Variants in PTPRT observed in about 807,000 individuals in gnomAD.
PTPRT encodes the protein receptor-type tyrosine-protein phosphatase T.
In PTPRT, 56 loss-of-function variants were observed where a neutral mutation model predicts 176.8. That is an observed-to-expected ratio of 0.32 (90% confidence interval 0.26 to 0.40). PTPRT has a LOEUF of 0.40. PTPRT is among the 10% of genes least tolerant of loss of function. The probability of loss-of-function intolerance (pLI) is 1.00; values close to 1 mark genes in which losing one functional copy is unlikely to be tolerated. For missense variants in PTPRT, 1,540 were observed against 1,908.2 expected (o/e 0.81, Z 3.60); for synonymous variants, 783 against 739.0 (o/e 1.06, Z -0.96).
chr20:43,126,720 C>CA (rs926892492), intron 1 of PTPRT, among the ~76,000 whole-genome samples: 49 of 152,186 alleles, frequency 3.2e-4, no homozygotes, highest in African/African-American at 1.1e-3. Flanking sequence ...AGAATGACAC[C>CA]ACCCCCTCCA....
At chr20:43,128,333 G>A (rs141620325) in intron 1 of PTPRT, among the ~76,000 whole-genome samples, 1,709 of 152,328 alleles carry the variant, frequency 0.011, 35 homozygotes, top group African/African-American at 0.039. Flanking sequence ...ATGACCAATT[G>A]TTGACTGATC....
intron 1 of PTPRT, among the ~76,000 whole-genome samples, chr20:43,075,024 G>A (rs982902631): frequency 6.6e-6 from 1 of 152,222 alleles, no homozygotes; most frequent in Non-Finnish European, 1.5e-5. Context: ...CCCGGACAGA[G>A]CCTCTGGGGA....
At chr20:42,619,884 G>T (rs549048482) in intron 7 of PTPRT, among the ~76,000 whole-genome samples, 36 of 138,866 alleles carry the variant, frequency 2.6e-4, no homozygotes, top group Admixed American at 2.4e-3. Context: ...CCTTTGGTTT[G>T]AATGTCCTCC....
chr20:42,058,054 A>G, the PTPRT span, among the ~76,000 whole-genome samples: 1 of 152,194 alleles, frequency 6.6e-6, no homozygotes, highest in South Asian at 2.1e-4. Flanking sequence ...TCACACGAAC[A>G]GCCTCTCCTT....
chr20:43,046,619 G>C (rs1207846124), intron 1 of PTPRT, among the ~76,000 whole-genome samples: 1 of 152,002 alleles, frequency 6.6e-6, no homozygotes, highest in Non-Finnish European at 1.5e-5. Context: ...AGGTCGGGCT[G>C]TGGTGGGGGC....
intron 7 of PTPRT, among the ~76,000 whole-genome samples, chr20:42,595,082 T>G (rs1477629329): frequency 6.6e-6 from 1 of 152,104 alleles, no homozygotes; most frequent in Non-Finnish European, 1.5e-5. Flanking sequence ...GGGGCTGCGT[T>G]GTCACTCCTG....
At chr20:42,153,178 G>C (rs1036232111) in intron 17 of PTPRT, among the ~76,000 whole-genome samples, 2 of 152,198 alleles carry the variant, frequency 1.3e-5, no homozygotes, top group Non-Finnish European at 2.9e-5. Context: ...GCAAGACCAC[G>C]AGCTTTCTTT....
intron 7 of PTPRT, among the ~76,000 whole-genome samples, chr20:42,608,677 C>T (rs895293237): frequency 1.3e-5 from 2 of 152,120 alleles, no homozygotes; most frequent in East Asian, 1.9e-4. Flanking sequence ...TCACACGCCT[C>T]GTGCTTGGGC....
At chr20:42,350,912 G>A (rs954635521) in intron 10 of PTPRT, among the ~76,000 whole-genome samples, 182 bp from the exon 11 acceptor site, 2 of 152,224 alleles carry the variant, frequency 1.3e-5, no homozygotes, top group Admixed American at 1.3e-4. Flanking sequence ...CCTGCCCATA[G>A]TAGGTTTCTT....
chr20:43,077,992 G>A (rs1351598083), intron 1 of PTPRT, among the ~76,000 whole-genome samples: 1 of 152,150 alleles, frequency 6.6e-6, no homozygotes, highest in East Asian at 1.9e-4. Flanking sequence ...GAGTATATCA[G>A]ATACACCATT....
At chr20:42,575,382 G>C (rs6016832) in intron 7 of PTPRT, among the ~76,000 whole-genome samples, 3,685 of 152,310 alleles carry the variant, frequency 0.024, 145 homozygotes, top group African/African-American at 0.084. Flanking sequence ...CAAAGTGGCA[G>C]GGCTCAGTTA....
At chr20:42,137,658 C>T (rs955699784) in intron 18 of PTPRT, among the ~76,000 whole-genome samples, 2 of 152,204 alleles carry the variant, frequency 1.3e-5, no homozygotes, top group African/African-American at 4.8e-5. Context: ...AAAGGCTACA[C>T]TAACTCATCT....
chr20:42,554,816 T>A (rs6130162), intron 7 of PTPRT, among the ~76,000 whole-genome samples: 1 of 152,244 alleles, frequency 6.6e-6, no homozygotes, highest in African/African-American at 2.4e-5. Flanking sequence ...ATATTGAATG[T>A]TGGAAACAGA....
At chr20:42,425,240 G>A (rs767485392) in intron 9 of PTPRT, among the ~76,000 whole-genome samples, 19 of 152,168 alleles carry the variant, frequency 1.2e-4, no homozygotes, top group African/African-American at 9.6e-5. Flanking sequence ...TTACTATAAC[G>A]CAATGCAGTC....
chr20:42,103,551 C>A (rs938655571), intron 25 of PTPRT, among the ~76,000 whole-genome samples: 1 of 152,160 alleles, frequency 6.6e-6, no homozygotes, highest in Non-Finnish European at 1.5e-5. Context: ...CTGCAACCTC[C>A]GCCTCCCAGG....
chr20:42,765,941 C>T (rs1056075193), intron 5 of PTPRT, among the ~76,000 whole-genome samples: 6 of 151,818 alleles, frequency 4.0e-5, no homozygotes, highest in African/African-American at 1.5e-4. Flanking sequence ...CATTTTTGTC[C>T]CCATCTCTAG....
rs6072919 is a variant in PTPRT, at chr20:42,979,236, C to T, written c.89-93304G>A. Among the ~76,000 whole-genome samples the T allele has an allele frequency of 6.1e-3, 935 of 152,180 alleles. 3 individuals carry two copies. The highest frequency in any genetic ancestry group is 9.6e-3 in the Non-Finnish European group (656 of 67,996). ...TAAGAAAAACAACTCATTTTTCTGT[C>T]AAGACACCTTTTTGTTGCTTATTAG... On this transcript the variant is annotated intron_variant, in intron 1 of 30. Transcript: ENST00000373187.
chr20:42,652,543 C>T (rs140589753), intron 7 of PTPRT, among the ~76,000 whole-genome samples: 3 of 152,170 alleles, frequency 2.0e-5, no homozygotes, highest in Non-Finnish European at 4.4e-5. Flanking sequence ...TCAGAGCATC[C>T]CCCTCCCCTT....
intron 7 of PTPRT, among the ~76,000 whole-genome samples, chr20:42,665,166 T>C (rs2075292221): frequency 6.6e-6 from 1 of 151,884 alleles, no homozygotes; most frequent in South Asian, 2.1e-4. Flanking sequence ...ACAGGCAACC[T>C]ACAGAATGGG....
Sources: gnomAD v4.1 joint callset for allele counts (sites outside exome capture counted in the v4.1 genomes callset) on GRCh38, gnomAD v4.1.1 for gene constraint, MANE v1.5 for transcripts, NCBI Gene and HGNC (gene_info 2026-07-23, HGNC 2026-07-21) for gene names.